The following SNTB2 variants were observed in gnomAD, a reference collection of about 807,000 sequenced individuals.
SNTB2 encodes the protein beta-2-syntrophin.
Under a neutral mutation model 46.2 loss-of-function variants are expected in SNTB2, and 34 were observed. That is an observed-to-expected ratio of 0.74 (90% CI 0.56 to 0.98). The LOEUF (loss-of-function observed/expected upper bound fraction) is 0.98, where lower values mean the gene tolerates loss of function less well. Among genes scored for constraint, SNTB2 ranks in the 50% least tolerant of loss-of-function variants. SNTB2 has a pLI of 0.00. For synonymous variants in SNTB2, 290 were observed against 312.6 expected (o/e 0.93, Z 0.76); for missense variants, 603 against 731.4 (o/e 0.82, Z 2.02).
At chr16:69,191,899 C>G (rs1964058609) in intron 1 of SNTB2, among the ~76,000 whole-genome samples, 1 of 152,138 alleles carries the variant, frequency 6.6e-6, no homozygotes, top group Non-Finnish European at 1.5e-5. Flanking sequence ...CCTCAGCCTC[C>G]CAAAGTGCTG....
At chr16:69,216,113 A>G (rs1964344709) in intron 1 of SNTB2, among the ~76,000 whole-genome samples, 1 of 152,208 alleles carries the variant, frequency 6.6e-6, no homozygotes, top group Non-Finnish European at 1.5e-5. Context: ...CACTGCACCC[A>G]GCCCATTATG....
intron 4 of SNTB2, among the ~76,000 whole-genome samples, chr16:69,280,490 G>A (rs1478080561): frequency 6.6e-6 from 1 of 150,982 alleles, no homozygotes; most frequent in African/African-American, 2.4e-5. Context: ...TGGGCGGGGG[G>A]CTGACCCCCC....
intron 1 of SNTB2, among the ~76,000 whole-genome samples, chr16:69,230,750 T>TC (rs1035220288): frequency 2.5e-4 from 38 of 149,790 alleles, no homozygotes; most frequent in African/African-American, 6.1e-4. Flanking sequence ...TTTCTTTCTT[T>TC]TTTTTTTTTT....
intron 1 of SNTB2, chr16:69,235,623 CGG>C: frequency 8.7e-7 from 1 of 1,154,338 alleles, no homozygotes; most frequent in Non-Finnish European, 1.1e-6. Flanking sequence ...GGAAGAAAGG[CGG>C]GAAGTGGGGA....
intron 1 of SNTB2, among the ~76,000 whole-genome samples, chr16:69,235,381 C>A (rs546717410): frequency 3.3e-5 from 5 of 152,048 alleles, no homozygotes; most frequent in Non-Finnish European, 7.4e-5. Context: ...ATCTCAAAAC[C>A]CCTATAGTGT....
chr16:69,260,586 A>G (rs1366410512), intron 3 of SNTB2, among the ~76,000 whole-genome samples: 1 of 152,222 alleles, frequency 6.6e-6, no homozygotes, highest in Non-Finnish European at 1.5e-5. Context: ...CTTTTTCTGT[A>G]AAGGGCAAGA....
chr16:69,281,905 C>CTTTTTTTT (rs776664092), intron 4 of SNTB2, among the ~76,000 whole-genome samples: 12 of 125,306 alleles, frequency 9.6e-5, no homozygotes, highest in African/African-American at 3.6e-4. Flanking sequence ...TTGTTTCTCT[C>CTTTTTTTT]TTTTTTTTTT....
chr16:69,201,840 T>C (rs990386452), intron 1 of SNTB2, among the ~76,000 whole-genome samples: 3 of 152,188 alleles, frequency 2.0e-5, no homozygotes, highest in African/African-American at 7.2e-5. Flanking sequence ...TTTTTTTGAG[T>C]GCCTCTAAAA....
intron 1 of SNTB2, among the ~76,000 whole-genome samples, chr16:69,222,844 C>T (rs1039794009): frequency 2.0e-4 from 29 of 147,336 alleles, no homozygotes; most frequent in East Asian, 8.4e-4. Flanking sequence ...TGCAGTGGTG[C>T]GAACTTGGCT....
chr16:69,283,526 A>T (rs1965070259), intron 4 of SNTB2, among the ~76,000 whole-genome samples: 1 of 152,200 alleles, frequency 6.6e-6, no homozygotes, highest in South Asian at 2.1e-4. Context: ...TGATTGGACA[A>T]GAGATTGATG....
At chr16:69,240,224 T>C (rs915464113) in intron 1 of SNTB2, among the ~76,000 whole-genome samples, 8 of 152,202 alleles carry the variant, frequency 5.3e-5, no homozygotes, top group Admixed American at 2.0e-4. Context: ...TCCTGGTATA[T>C]AGTAGGAGCT....
intron 2 of SNTB2, among the ~76,000 whole-genome samples, chr16:69,250,539 GT>G (rs1315288130): frequency 6.6e-6 from 1 of 152,136 alleles, no homozygotes; most frequent in Non-Finnish European, 1.5e-5. Context: ...CTGTCCTCCT[GT>G]TTTCTCTGTA....
At chr16:69,202,332 T>G (rs1368186037) in intron 1 of SNTB2, among the ~76,000 whole-genome samples, 1 of 150,830 alleles carries the variant, frequency 6.6e-6, no homozygotes, top group African/African-American at 2.5e-5. Context: ...ATTCTTAGTT[T>G]ATAATGGAAA....
chr16:69,252,903 G>C (rs1597187735), intron 2 of SNTB2, among the ~76,000 whole-genome samples: 4 of 133,290 alleles, frequency 3.0e-5, no homozygotes. Context: ...CCCTTTGTCA[G>C]TTTTTTTTTT....
intron 4 of SNTB2, among the ~76,000 whole-genome samples, chr16:69,283,802 G>A (rs561221945): frequency 3.7e-4 from 57 of 152,200 alleles, no homozygotes; most frequent in African/African-American, 1.3e-3. Flanking sequence ...TTGGGAGGCC[G>A]AGGCAGGAGG....
chr16:69,237,607 T>C (rs570599797), intron 1 of SNTB2, among the ~76,000 whole-genome samples: 35 of 123,278 alleles, frequency 2.8e-4, no homozygotes, highest in Admixed American at 5.4e-4. Flanking sequence ...TTCTTTCTTT[T>C]TTTTTTTTTT....
intron 2 of SNTB2, among the ~76,000 whole-genome samples, chr16:69,246,128 T>G (rs1223787614): frequency 6.6e-6 from 1 of 152,224 alleles, no homozygotes; most frequent in African/African-American, 2.4e-5. Context: ...TGTTATTACT[T>G]TTTTCACTAT....
chr16:69,223,981 A>G (rs988700182), intron 1 of SNTB2, among the ~76,000 whole-genome samples: 5 of 152,196 alleles, frequency 3.3e-5, no homozygotes, highest in South Asian at 4.1e-4. Flanking sequence ...CTTTAGAAGA[A>G]TACTGGTCAG....
In SNTB2 at chr16:69,238,736, C is replaced by T. The variant is rs575334775; in HGVS notation, c.581-6866C>T. Among the ~76,000 whole-genome samples the T allele has an allele frequency of 3.5e-4, 53 of 152,092 alleles. No individual in the cohort carries two copies. The South Asian group carries it at 4.4e-3, about 13-fold the overall frequency. ...TATCCTTGACTCTTCTTTTTGCCAC[C>T]CCCTTATGTAATCTGATGTAGAATC... is the stretch of plus-strand genomic sequence containing the variant. On this transcript the variant is annotated intron_variant, in intron 1 of 6. Transcript: ENST00000336278.
Sources: allele counts gnomAD v4.1 joint callset (sites outside exome capture counted in the v4.1 genomes callset), GRCh38; gene constraint gnomAD v4.1.1; transcripts MANE v1.5; gene names NCBI Gene and HGNC (gene_info 2026-07-23, HGNC 2026-07-21).